C3AR1: variants seen among roughly 807,000 people sequenced by gnomAD.
C3AR1 encodes the protein C3a anaphylatoxin chemotactic receptor.
For missense variants in C3AR1, 579 were observed against 583.5 expected (o/e 0.99, Z 0.08); for synonymous variants, 208 against 225.3 (o/e 0.92, Z 0.69).
At position 8,059,122 on chromosome 12, in the gene C3AR1, C is replaced by A. The variant is rs958359101; in HGVS notation, c.1064G>T (p.Cys355Phe). The change falls in exon 2 of 2, where the codon TGT (cysteine) becomes TTT (phenylalanine). Residue 355 changes from cysteine (C) to phenylalanine (F), a missense_variant. Cys to Phe is a radical substitution (Grantham distance 205). Transcript: ENST00000307637. ...FLLPSVIMIACYSFIVFRMQR... is the reference protein window; with the variant it reads ...FLLPSVIMIAFYSFIVFRMQR... Reference sequence around the variant, plus strand: ...CATTCGGAAGACAATGAAGCTGTAACAGGCTATCATGATAACAGAGGGCAG... The same window carrying A: ...CATTCGGAAGACAATGAAGCTGTAAAAGGCTATCATGATAACAGAGGGCAG... 6.2e-7 allele frequency: 1 copy of A among 1,614,204 alleles called. No homozygotes were observed. Among genetic ancestry groups the A allele is most frequent in the Admixed American group, 1.7e-5 (1 of 60,028 alleles).
At chr12:8,066,084 TG>T (rs1396905156) in intron 1 of C3AR1, 193 bp downstream of exon 1, 6 of 152,022 alleles carry the variant, frequency 3.9e-5, no homozygotes, top group Admixed American at 6.5e-5. Context: ...AATTCCACTA[TG>T]AAAATATTAA....
In C3AR1 at chr12:8,059,702, C is replaced by T. The variant is rs1220404362; in HGVS notation, c.484G>A (p.Glu162Lys). The change falls in exon 2 of 2, where the codon GAA (glutamate) becomes AAA (lysine). Residue 162 changes from glutamate (E) to lysine (K), a missense_variant. By Grantham distance (56) the Glu-to-Lys change is moderately conservative. Coordinates refer to ENST00000307637, the MANE Select transcript of C3AR1 (RefSeq NM_004054.4). Reference sequence around the variant, plus strand: ...TTATGGTTGTCTGTAGTGAAGATTTCCCGGTACACGAACACAGGAATGCAC... The same window carrying T: ...TTATGGTTGTCTGTAGTGAAGATTTTCCGGTACACGAACACAGGAATGCAC... ...VMCIPVFVYREIFTTDNHNRC... is the reference protein window; with the variant it reads ...VMCIPVFVYRKIFTTDNHNRC... 6.2e-7 allele frequency: 1 copy of T among 1,613,980 alleles called. No individual in the cohort carries two copies. The highest frequency in any genetic ancestry group is 1.3e-5 in the African/African-American group (1 of 74,884).
rs767241675 is a variant in C3AR1 at position 8,058,524 on chromosome 12, G to A, written c.*213C>T. On this transcript the variant is annotated 3_prime_UTR_variant, in exon 2 of 2. Coordinates refer to ENST00000307637, the MANE Select transcript of C3AR1 (RefSeq NM_004054.4). ...CTGGGTCCCAACCCCCAGAGATTCC[G>A]ATTCAGCAAGTCTGGGATGCGGCTT... is the stretch of plus-strand genomic sequence containing the variant. The A allele has an allele frequency of 1.5e-5, 8 of 545,318 alleles. No homozygotes were observed. Among genetic ancestry groups the A allele is most frequent in the African/African-American group, 3.8e-5 (2 of 52,634 alleles). 33.8% of individuals were successfully genotyped at this position (545,318 alleles called of 1,614,324 possible). A position where few individuals can be genotyped will look rare whatever the true frequency, so the allele number is the denominator to read the frequency against.
intron 1 of C3AR1, among the ~76,000 whole-genome samples, chr12:8,062,095 G>T (rs1947279926): frequency 6.6e-6 from 1 of 152,002 alleles, no homozygotes; most frequent in Non-Finnish European, 1.5e-5. Flanking sequence ...TTGTGGCATG[G>T]GTCAGAATTT....
chr12:8,058,732 C>G lies in C3AR1; in HGVS notation c.*5G>C. On this transcript the variant is annotated 3_prime_UTR_variant, in exon 2 of 2. Coordinates refer to ENST00000307637, the MANE Select transcript of C3AR1 (RefSeq NM_004054.4). ...GAGCCCCTGCTTGTTGGCTGCTCCA[C>G]ATTTTCACACAGTTGTACTATTTCT... The G allele has an allele frequency of 6.3e-7, 1 of 1,589,388 alleles. No individual in the cohort carries two copies. The highest frequency in any genetic ancestry group is 1.3e-5 in the African/African-American group (1 of 74,226).
Position 8,059,555 on chromosome 12 carries a change from A to C in C3AR1, c.631T>G (p.Leu211Val). The C allele has an allele frequency of 6.2e-7, 1 of 1,614,188 alleles. No homozygotes were observed. Among genetic ancestry groups the C allele is most frequent in the Non-Finnish European group, 8.5e-7 (1 of 1,180,024 alleles). ...TTTGTTTGGAAAGAGGAAGGATCTA[A>C]CCTATCATTCATTTCTCCAGGCGGC... ...VQPPGEMNDR[L>V]DPSSFQTNDH... The change falls in exon 2 of 2, where the codon TTA becomes GTA. Residue 211 changes from leucine to valine, a missense_variant. Coordinates refer to ENST00000307637, the MANE Select transcript of C3AR1 (RefSeq NM_004054.4).
At chr12:8,064,127 T>C (rs1752687038) in intron 1 of C3AR1, among the ~76,000 whole-genome samples, 1 of 151,496 alleles carries the variant, frequency 6.6e-6, no homozygotes, top group African/African-American at 2.4e-5. Context: ...ATTTTGGGGG[T>C]TGACTTTTTT....
rs1214450146 is a variant in C3AR1 at position 8,057,866 on chromosome 12, AGAGGTTGTTT to A, written c.*861_*870del. ...GGAGTAACTAGAATCTTACGAAATT[AGAGGTTGTTT>A]GAGGCACAAAGTCTGATGTGGAAGA... On this transcript the variant is annotated 3_prime_UTR_variant, in exon 2 of 2. Transcript: ENST00000307637. 6.6e-6 allele frequency among the ~76,000 whole-genome samples: 1 copy of A among 152,160 alleles called. No individual in the cohort carries two copies. The highest frequency in any genetic ancestry group is 1.5e-5 in the Non-Finnish European group (1 of 68,030).
Position 8,058,816 on chromosome 12 carries a change from G to C in C3AR1, c.1370C>G (p.Ala457Gly). The change falls in exon 2 of 2, where the codon GCC (alanine) becomes GGC (glycine). Residue 457 changes from alanine to glycine, a missense_variant. Physicochemically the swap from Ala to Gly is moderately conservative, Grantham distance 60 (BLOSUM62 0). Coordinates refer to ENST00000307637, the MANE Select transcript of C3AR1 (RefSeq NM_004054.4). ...RQSIQGILEAAFSEELTRSTH... is the reference protein window; with the variant it reads ...RQSIQGILEAGFSEELTRSTH... Reference sequence around the variant, plus strand: ...GGAACGTGTGAGCTCCTCACTGAAGGCTGCCTCCAGAATTCCCTGAATGGA... The same window carrying C: ...GGAACGTGTGAGCTCCTCACTGAAGCCTGCCTCCAGAATTCCCTGAATGGA... The C allele has an allele frequency of 6.2e-7, 1 of 1,614,158 alleles. No individual in the cohort carries two copies. Among genetic ancestry groups the C allele is most frequent in the Non-Finnish European group, 8.5e-7 (1 of 1,180,010 alleles).
Position 8,059,659 on chromosome 12 carries a change from A to G in C3AR1, c.527T>C (p.Phe176Ser). 6.2e-7 allele frequency: 1 copy of G among 1,614,176 alleles called. No individual in the cohort carries two copies. The highest frequency in any genetic ancestry group is 8.5e-7 in the Non-Finnish European group (1 of 1,180,034). The change falls in exon 2 of 2, where the codon TTT (phenylalanine) becomes TCT (serine). Residue 176 changes from phenylalanine (F) to serine (S), a missense_variant. Phe to Ser is a radical substitution (Grantham distance 155). Coordinates refer to ENST00000307637, the MANE Select transcript of C3AR1 (RefSeq NM_004054.4). ...TDNHNRCGYK[F>S]GLSSSLDYPD... ...ATAATCTAATGAGCTGGAGAGACCA[A>G]ATTTGTAGCCACATCTATTATGGTT...
intron 1 of C3AR1, among the ~76,000 whole-genome samples, chr12:8,062,708 G>A (rs890559650): frequency 6.6e-6 from 1 of 152,032 alleles, no homozygotes; most frequent in Non-Finnish European, 1.5e-5. Context: ...GCAGTGGCGC[G>A]ATCTTGGCTC....
chr12:8,063,251 C>T (rs1947295812), intron 1 of C3AR1, among the ~76,000 whole-genome samples: 2 of 152,152 alleles, frequency 1.3e-5, no homozygotes, highest in Admixed American at 1.3e-4. Flanking sequence ...CCACCAGGCC[C>T]GGCCGGCCAC....
At chr12:8,065,358 C>T (rs1002932711) in intron 1 of C3AR1, among the ~76,000 whole-genome samples, 1 of 151,740 alleles carries the variant, frequency 6.6e-6, no homozygotes, top group Non-Finnish European at 1.5e-5. Flanking sequence ...ATTAAAAGTC[C>T]TTTAGAACAA....
In C3AR1 at chr12:8,063,168, G is replaced by A. The variant is rs780241781; in HGVS notation, c.-10-2973C>T. 1.3e-4 allele frequency among the ~76,000 whole-genome samples: 20 copies of A among 150,012 alleles called. No homozygotes were observed. In the South Asian group the frequency reaches 4.0e-3, roughly 30 times the overall value. The stretch of plus-strand genomic sequence containing the variant: ...AGACGGGGTTTCACCATGTTAGCCA[G>A]GATGATCTTGATTTCCTGACCTGGT... On this transcript the variant is annotated intron_variant, in intron 1 of 1. Transcript: ENST00000307637.
chr12:8,057,928 A>G lies in C3AR1; in HGVS notation c.*809T>C, dbSNP rs1273333527. Reference sequence around the variant, plus strand: ...TTGGAGGCTGGGGAGTAATAAGGAAATTAAGGAGCTTAGGAAGAGGAGTGG... The same window carrying G: ...TTGGAGGCTGGGGAGTAATAAGGAAGTTAAGGAGCTTAGGAAGAGGAGTGG... On this transcript the variant is annotated 3_prime_UTR_variant, in exon 2 of 2. Transcript: ENST00000307637. Among the ~76,000 whole-genome samples the G allele has an allele frequency of 1.3e-5, 2 of 152,210 alleles. No homozygotes were observed. Among genetic ancestry groups the G allele is most frequent in the Admixed American group, 6.5e-5 (1 of 15,284 alleles).
At position 8,059,802 on chromosome 12, in the gene C3AR1, G is replaced by C; in HGVS notation, c.384C>G (p.Ile128Met). The part of the protein sequence containing the change: ...LDRCLVVFKP[I>M]WCQNHRNVGM... ...CTACATTGCGATGATTCTGACACCAGATTGGCTTGAATACCACAAGACAGC... is the reference window on the plus strand; with the variant it reads ...CTACATTGCGATGATTCTGACACCACATTGGCTTGAATACCACAAGACAGC... Residue 128 changes from isoleucine to methionine, a missense_variant, in exon 2 of 2, where the codon ATC becomes ATG. By Grantham distance (10) the Ile-to-Met change is conservative (BLOSUM62 1). Transcript: ENST00000307637. 1 of 1,614,162 alleles carries C rather than the reference G, an allele frequency of 6.2e-7. No homozygotes were observed. Among genetic ancestry groups the C allele is most frequent in the Non-Finnish European group, 8.5e-7 (1 of 1,180,032 alleles).
In C3AR1 at chr12:8,060,026, G is replaced by A. The variant is rs771597147; in HGVS notation, c.160C>T (p.Arg54Trp). The A allele has an allele frequency of 2.5e-6, 4 of 1,614,032 alleles. No homozygotes were observed. The highest frequency in any genetic ancestry group is 2.2e-5 in the East Asian group (1 of 44,876). Reference protein sequence around the residue: ...VLWVAGLKMQRTVNTIWFLHL... With the variant: ...VLWVAGLKMQWTVNTIWFLHL... ...AGGAACCAAATTGTGTTCACTGTCCGCTGCATCTTCAGGCCAGCCACCCAC... is the reference window on the plus strand; with the variant it reads ...AGGAACCAAATTGTGTTCACTGTCCACTGCATCTTCAGGCCAGCCACCCAC... Residue 54 changes from arginine to tryptophan, a missense_variant, in exon 2 of 2, where the codon CGG becomes TGG. By Grantham distance (101) the Arg-to-Trp change is moderately radical. Transcript: ENST00000307637.
At chr12:8,061,726 G>T (rs1003380487) in intron 1 of C3AR1, among the ~76,000 whole-genome samples, 3 of 152,148 alleles carry the variant, frequency 2.0e-5, no homozygotes, top group Non-Finnish European at 2.9e-5. Context: ...CTCCCAAAGT[G>T]CTGGGATTAC....
rs1947233403 is a variant in C3AR1, at chr12:8,059,090, C to T, written c.1096G>A (p.Gly366Ser). ...TTGCTCTGAGACTTGGCGAAGCGGC[C>T]CCTTTGCATTCGGAAGACAATGAAG... ...YSFIVFRMQR[G>S]RFAKSQSKTF... is the part of the protein sequence containing the mutation. The change falls in exon 2 of 2, where the codon GGC (glycine) becomes AGC (serine). Residue 366 changes from glycine (G) to serine (S), a missense_variant. Transcript: ENST00000307637. 6.2e-7 allele frequency: 1 copy of T among 1,614,018 alleles called. No homozygotes were observed. The highest frequency in any genetic ancestry group is 1.1e-5 in the South Asian group (1 of 91,082).
Sources: allele counts gnomAD v4.1 joint callset (sites outside exome capture counted in the v4.1 genomes callset), GRCh38; gene constraint gnomAD v4.1.1; transcripts MANE v1.5; gene names NCBI Gene and HGNC (gene_info 2026-07-23, HGNC 2026-07-21).